Variants in RUBCNL observed in about 807,000 individuals in gnomAD.
The protein encoded by RUBCNL is protein associated with UVRAG as autophagy enhancer.
In RUBCNL, 62 loss-of-function variants were observed where a neutral mutation model predicts 69.5. That is an observed-to-expected ratio of 0.89 (90% CI 0.73 to 1.10). The LOEUF is 1.10. RUBCNL is among the 50% of genes least tolerant of loss of function. RUBCNL has a pLI of 0.00. For synonymous variants in RUBCNL, 291 were observed against 303.6 expected (o/e 0.96, Z 0.43); for missense variants, 768 against 798.1 (o/e 0.96, Z 0.45).
chr13:46,348,706 C>A (rs190203086), intron 12 of RUBCNL, among the ~76,000 whole-genome samples: 1 of 151,090 alleles, frequency 6.6e-6, no homozygotes. Context: ...CAGGTTCAAG[C>A]GATTCTCCTG....
chr13:46,388,502 G>T (rs963830167), upstream of RUBCNL, among the ~76,000 whole-genome samples: 3 of 149,866 alleles, frequency 2.0e-5, no homozygotes, highest in Non-Finnish European at 4.4e-5. Context: ...AGGAAGGAAG[G>T]AAAGAAAAGT....
chr13:46,366,478 G>A (rs751310523), intron 5 of RUBCNL, among the ~76,000 whole-genome samples: 23 of 152,184 alleles, frequency 1.5e-4, no homozygotes, highest in Non-Finnish European at 2.4e-4. Context: ...GTCTACACTG[G>A]TCATATGTGT....
chr13:46,337,114 T>TTC lies in RUBCNL; in HGVS notation c.*6269_*6270dup, dbSNP rs753681419. 6.7e-5 allele frequency among the ~76,000 whole-genome samples: 10 copies of TTC among 148,660 alleles called. No individual in the cohort carries two copies. The highest frequency in any genetic ancestry group is 1.3e-4 in the Admixed American group (2 of 14,834). On this transcript the variant is annotated 3_prime_UTR_variant, in exon 15 of 15. Transcript: ENST00000429979. ...CCCTTGTAAAACAGACCCCAGGGGG[T>TTC]TCTCTCTCTCTCTCTTTTCCTTTTT...
At chr13:46,381,599 C>T (rs551640083) in intron 1 of RUBCNL, among the ~76,000 whole-genome samples, 2 of 151,966 alleles carry the variant, frequency 1.3e-5, no homozygotes, top group Admixed American at 6.5e-5. Flanking sequence ...TTTCGGTTTT[C>T]GAGACGGAGT....
chr13:46,388,287 A>G (rs1261455516), upstream of RUBCNL, among the ~76,000 whole-genome samples: 3 of 136,986 alleles, frequency 2.2e-5, no homozygotes, highest in East Asian at 7.4e-4. Flanking sequence ...GAAGGAACCC[A>G]AGGGAGGGAG....
rs748163000 is a variant in RUBCNL at position 46,362,583 on chromosome 13, T to C, written c.941A>G (p.Asn314Ser). The change falls in exon 7 of 15, where the codon AAT becomes AGT. Residue 314 changes from asparagine (N) to serine (S), a missense_variant. By Grantham distance (46) the Asn-to-Ser change is conservative. Coordinates refer to ENST00000429979, the MANE Select transcript of RUBCNL (RefSeq NM_025113.5). Reference protein sequence around the residue: ...EFVILELGDFNDITETCSCSC... With the variant: ...EFVILELGDFSDITETCSCSC... ...ACAGCTACAGGTTTCTGTGATATCA[T>C]TAAAATCTCCAAGCTCTGTGGGAAA... 5.0e-6 allele frequency: 8 copies of C among 1,608,470 alleles called. No individual in the cohort carries two copies. In the South Asian group the frequency reaches 7.8e-5, roughly 16 times the overall value.
chr13:46,364,904 T>G (rs941911104), intron 5 of RUBCNL, among the ~76,000 whole-genome samples: 1 of 152,084 alleles, frequency 6.6e-6, no homozygotes, highest in Non-Finnish European at 1.5e-5. Context: ...TCAGCTACCA[T>G]CAATTTACAC....
intron 8 of RUBCNL, among the ~76,000 whole-genome samples, chr13:46,360,024 C>T (rs772619359): frequency 6.6e-5 from 10 of 152,168 alleles, no homozygotes; most frequent in Non-Finnish European, 1.5e-4. Flanking sequence ...TCTATTAAGA[C>T]CTTTCCCCTT....
upstream of RUBCNL, chr13:46,389,649 C>G (rs777751701): frequency 6.6e-6 from 1 of 152,256 alleles, no homozygotes; most frequent in African/African-American, 2.4e-5. This position sits in a 1 kb window ranked among gnomAD's most constrained non-coding sequence, Gnocchi z 4.2. Flanking sequence ...GGCACTATCA[C>G]GTGGACATCC....
chr13:46,365,977 G>A (rs113664826), intron 5 of RUBCNL, among the ~76,000 whole-genome samples: 7 of 152,198 alleles, frequency 4.6e-5, no homozygotes, highest in East Asian at 1.9e-4. Flanking sequence ...CTACTGCAGC[G>A]GGCCAGGTAA....
At chr13:46,382,160 T>C (rs1686888797) in intron 1 of RUBCNL, among the ~76,000 whole-genome samples, 4 of 152,058 alleles carry the variant, frequency 2.6e-5, no homozygotes, top group Admixed American at 6.5e-5. Context: ...TCAATCTCAG[T>C]AACAGTATTT....
chr13:46,371,060 T>C (rs1466490112), intron 3 of RUBCNL, among the ~76,000 whole-genome samples: 4 of 152,262 alleles, frequency 2.6e-5, no homozygotes, highest in Non-Finnish European at 5.9e-5. Flanking sequence ...TCATCATCTT[T>C]GATTGCTCAA....
chr13:46,388,462 T>A (rs1208391457), upstream of RUBCNL, among the ~76,000 whole-genome samples: 10 of 110,062 alleles, frequency 9.1e-5, no homozygotes, highest in East Asian at 2.6e-4. Context: ...GGAAGGAAGG[T>A]AGAAGGAAGG....
chr13:46,361,144 G>A (rs2048600546), intron 8 of RUBCNL, among the ~76,000 whole-genome samples: 2 of 152,206 alleles, frequency 1.3e-5, no homozygotes, highest in Admixed American at 1.3e-4. Flanking sequence ...AGAATCGCTT[G>A]AACCCAGGAA....
chr13:46,362,878 A>G (rs2048646383), intron 6 of RUBCNL, among the ~76,000 whole-genome samples: 1 of 143,514 alleles, frequency 7.0e-6, no homozygotes, highest in Admixed American at 7.1e-5. Flanking sequence ...CAACTCTACA[A>G]GTGAGATGAG....
intron 1 of RUBCNL, among the ~76,000 whole-genome samples, chr13:46,382,342 C>T (rs986972798): frequency 1.6e-4 from 24 of 149,794 alleles, no homozygotes; most frequent in African/African-American, 4.2e-4. Context: ...AGAGTAGATA[C>T]GGGAAATACT....
chr13:46,376,857 C>T (rs1394625209), intron 2 of RUBCNL, among the ~76,000 whole-genome samples: 1 of 152,160 alleles, frequency 6.6e-6, no homozygotes, highest in Admixed American at 6.5e-5. Context: ...CTTTTTCACT[C>T]AACATTATGT....
intron 5 of RUBCNL, 113 bp downstream of exon 5, chr13:46,367,929 T>C (rs1326669917): frequency 2.0e-6 from 2 of 1,016,534 alleles, no homozygotes. Flanking sequence ...TATCTGAAGG[T>C]TCAGGCTTCC....
intron 2 of RUBCNL, among the ~76,000 whole-genome samples, chr13:46,375,374 A>C (rs2048968269): frequency 6.6e-6 from 1 of 152,166 alleles, no homozygotes; most frequent in Admixed American, 6.5e-5. Context: ...CTCTACTAAA[A>C]ATACAAAAAT....
Sources: allele counts gnomAD v4.1 joint callset (sites outside exome capture counted in the v4.1 genomes callset), GRCh38; gene constraint gnomAD v4.1.1; non-coding constraint Gnocchi (gnomAD v3.1); transcripts MANE v1.5; gene names NCBI Gene and HGNC (gene_info 2026-07-23, HGNC 2026-07-21).